Variants in CFAP210 observed in about 807,000 individuals in gnomAD.
CFAP210 encodes the protein cilia- and flagella- associated protein 210.
the CFAP210 span, among the ~76,000 whole-genome samples, chr2:169,680,597 T>G: frequency 6.6e-6 from 1 of 152,140 alleles, no homozygotes; most frequent in Non-Finnish European, 1.5e-5. Flanking sequence ...GCAATAAAAA[T>G]TAACAATTGA....
At chr2:169,681,398 A>C in the CFAP210 span, 1 of 668,088 alleles carries the variant, frequency 1.5e-6, no homozygotes, top group Non-Finnish European at 2.6e-6. Flanking sequence ...AAAAAATACA[A>C]AGCCTTGAAA....
the CFAP210 span, among the ~76,000 whole-genome samples, chr2:169,675,252 A>G: frequency 6.6e-6 from 1 of 152,212 alleles, no homozygotes; most frequent in African/African-American, 2.4e-5. Flanking sequence ...ATCCCAAAAT[A>G]TTATAGAGGT....
the CFAP210 span, among the ~76,000 whole-genome samples, chr2:169,683,198 G>A: frequency 6.6e-6 from 1 of 152,096 alleles, no homozygotes; most frequent in South Asian, 2.1e-4. Context: ...ACCTCTGCAC[G>A]CAAAATAAAG....
the CFAP210 span, among the ~76,000 whole-genome samples, chr2:169,678,858 T>A: frequency 6.6e-6 from 1 of 151,708 alleles, no homozygotes; most frequent in Admixed American, 6.6e-5. Flanking sequence ...AAATTAAAAT[T>A]AAAAGAATCA....
the CFAP210 span, chr2:169,650,217 G>A: frequency 1.8e-6 from 2 of 1,112,986 alleles, no homozygotes; most frequent in Admixed American, 3.9e-5. Context: ...TTCATACATT[G>A]TTTTTAATAT....
chr2:169,670,760 C>T, the CFAP210 span, among the ~76,000 whole-genome samples: 1 of 152,158 alleles, frequency 6.6e-6, no homozygotes, highest in Non-Finnish European at 1.5e-5. Context: ...CCATGGGAGA[C>T]AGCAAGGAGG....
chr2:169,687,951 C>T, the CFAP210 span, among the ~76,000 whole-genome samples: 2 of 152,236 alleles, frequency 1.3e-5, no homozygotes, highest in African/African-American at 2.4e-5. Context: ...CAATTCTTGA[C>T]TTCTGTGCAC....
At chr2:169,667,142 C>CTTTT in the CFAP210 span, among the ~76,000 whole-genome samples, 8 of 58,048 alleles carry the variant, frequency 1.4e-4, no homozygotes, top group African/African-American at 3.3e-4. Context: ...TTTCTTTTTT[C>CTTTT]TTTTTTTTTT....
chr2:169,675,627 C>T, the CFAP210 span, among the ~76,000 whole-genome samples: 1 of 152,270 alleles, frequency 6.6e-6, no homozygotes, highest in Non-Finnish European at 1.5e-5. Flanking sequence ...CACTCACCTC[C>T]CAGCAGGCCC....
chr2:169,683,139 A>G, the CFAP210 span, among the ~76,000 whole-genome samples: 3 of 152,198 alleles, frequency 2.0e-5, no homozygotes, highest in Non-Finnish European at 2.9e-5. Context: ...TGACTAAACT[A>G]AAGTGTGAGT....
At chr2:169,662,196 C>G in the CFAP210 span, 30 of 1,407,608 alleles carry the variant, frequency 2.1e-5, no homozygotes, top group Non-Finnish European at 2.9e-5. Context: ...ACTCCATAAA[C>G]ATGTACAAAT....
the CFAP210 span, chr2:169,658,100 G>C: frequency 2.6e-5 from 4 of 152,072 alleles, no homozygotes; most frequent in South Asian, 6.2e-4. Context: ...AAAGACATAA[G>C]CTTCAGGAAA....
At chr2:169,650,378 T>G in the CFAP210 span, 1 of 1,604,606 alleles carries the variant, frequency 6.2e-7, no homozygotes, top group Admixed American at 1.7e-5. Flanking sequence ...TTTGTTTTTT[T>G]CATCTTTTTC....
chr2:169,665,238 A>G, the CFAP210 span, among the ~76,000 whole-genome samples: 1 of 152,216 alleles, frequency 6.6e-6, no homozygotes, highest in African/African-American at 2.4e-5. Flanking sequence ...TCAAACATCC[A>G]AACTGAGTTC....
the CFAP210 span, among the ~76,000 whole-genome samples, chr2:169,654,473 T>C: frequency 6.6e-6 from 1 of 152,166 alleles, no homozygotes; most frequent in African/African-American, 2.4e-5. Context: ...ATTGAGAATA[T>C]AGTTAAATAA....
the CFAP210 span, among the ~76,000 whole-genome samples, chr2:169,693,483 A>G: frequency 4.6e-5 from 7 of 152,216 alleles, no homozygotes; most frequent in African/African-American, 1.7e-4. Flanking sequence ...ACTGGCTGTC[A>G]CTCTGCATCT....
At chr2:169,651,205 C>T in the CFAP210 span, among the ~76,000 whole-genome samples, 4,594 of 132,268 alleles carry the variant, frequency 0.035, 120 homozygotes, top group Non-Finnish European at 0.054. Flanking sequence ...CCAGCCTGGG[C>T]GACAGAGCAA....
At chr2:169,682,021 T>G in the CFAP210 span, among the ~76,000 whole-genome samples, 1 of 152,218 alleles carries the variant, frequency 6.6e-6, no homozygotes, top group Non-Finnish European at 1.5e-5. Context: ...CAACTCAACC[T>G]GAAGCCTGGA....
At chr2:169,654,175 G>A in the CFAP210 span, 2 of 1,595,174 alleles carry the variant, frequency 1.3e-6, no homozygotes, top group East Asian at 4.5e-5. Flanking sequence ...TGCTGCTGCT[G>A]TTCTACAGCT....
Sources: gnomAD v4.1 joint callset for allele counts (sites outside exome capture counted in the v4.1 genomes callset) on GRCh38, gnomAD v4.1.1 for gene constraint, MANE v1.5 for transcripts, NCBI Gene and HGNC (gene_info 2026-07-23, HGNC 2026-07-21) for gene names.